PKHD1: variants seen among roughly 807,000 people sequenced by gnomAD.
PKHD1 encodes the protein PKHD1 ciliary IPT domain containing fibrocystin/polyductin, also known as fibrocystin.
In PKHD1, 291 loss-of-function variants were observed where a neutral mutation model predicts 412.0. That is an observed-to-expected ratio of 0.71 (90% CI 0.64 to 0.78). The LOEUF is 0.78. PKHD1 is among the 30% of genes least tolerant of loss of function. PKHD1 has a pLI of 0.00. For synonymous variants in PKHD1, 1,777 were observed against 1,821.5 expected (o/e 0.98, Z 0.62); for missense variants, 4,825 against 4,950.7 (o/e 0.97, Z 0.76).
chr6:52,042,977 A>C lies in PKHD1; in HGVS notation c.2979T>G (p.His993Gln). The C allele has an allele frequency of 6.2e-7, 1 of 1,614,036 alleles. No individual in the cohort carries two copies. The highest frequency in any genetic ancestry group is 8.5e-7 in the Non-Finnish European group (1 of 1,179,920). The change falls in exon 27 of 67, where the codon CAT (histidine) becomes CAG (glutamine). Residue 993 changes from histidine to glutamine, a missense_variant. Transcript: ENST00000371117. ...CQTDLLPVGM[H>Q]RILMLVRPSG... ...AGGGTCTCACCAACATCAAGATCCGATGCATTCCAACAGGTAGCAAATCTG... is the reference window on the plus strand; with the variant it reads ...AGGGTCTCACCAACATCAAGATCCGCTGCATTCCAACAGGTAGCAAATCTG...
chr6:51,888,595 A>G (rs993170713), intron 43 of PKHD1, among the ~76,000 whole-genome samples: 5 of 151,956 alleles, frequency 3.3e-5, no homozygotes, highest in African/African-American at 1.2e-4. Context: ...AGGTGAAGAT[A>G]AGAAGGGCCT....
intron 5 of PKHD1, among the ~76,000 whole-genome samples, chr6:52,078,989 G>A (rs532184341): frequency 4.6e-5 from 7 of 152,152 alleles, no homozygotes; most frequent in South Asian, 2.1e-4. Context: ...AACACGGATC[G>A]TAGGAGAGAC....
chr6:52,059,958 A>C lies in PKHD1; in HGVS notation c.1203T>G (p.His401Gln). 1 of 1,600,948 alleles carries C rather than the reference A, an allele frequency of 6.2e-7. No individual in the cohort carries two copies. The highest frequency in any genetic ancestry group is 1.1e-5 in the South Asian group (1 of 90,814). The change falls in exon 15 of 67, where the codon CAT becomes CAG. Residue 401 changes from histidine (H) to glutamine (Q), a missense_variant. His to Gln is a conservative substitution (Grantham distance 24). Transcript: ENST00000371117. Reference protein sequence around the residue: ...WIQADSQASLHFSWSEEPRTK... With the variant: ...WIQADSQASLQFSWSEEPRTK... Reference sequence around the variant, plus strand: ...TCCTTGGTTCCTCTGACCAACTGAAATGCAAGGAAGCTTGGCTATCTGCCT... The same window carrying C: ...TCCTTGGTTCCTCTGACCAACTGAACTGCAAGGAAGCTTGGCTATCTGCCT...
chr6:51,905,233 C>G (rs542682186), intron 41 of PKHD1, among the ~76,000 whole-genome samples: 2 of 152,102 alleles, frequency 1.3e-5, no homozygotes, highest in Admixed American at 6.6e-5. Context: ...AACTGGAGAC[C>G]CTTTGTTTCT....
intron 60 of PKHD1, among the ~76,000 whole-genome samples, chr6:51,701,045 G>A (rs1779348121): frequency 1.3e-5 from 2 of 152,178 alleles, no homozygotes; most frequent in Admixed American, 6.6e-5. Flanking sequence ...CCTGGCAGCT[G>A]AAAATGTACT....
rs1781698197 is a variant in PKHD1 at position 51,904,028 on chromosome 6, T to C, written c.6823A>G (p.Met2275Val). ...HALLVGTCTE[M>V]RYISWEAIHG... The stretch of plus-strand genomic sequence containing the variant: ...ATTGCCTCCCAGGAGATATATCTCA[T>C]CTCCGTGCATGTCCCTGAGAACAAA... Residue 2275 changes from methionine to valine, a missense_variant, in exon 42 of 67, where the codon ATG becomes GTG. By Grantham distance (21) the Met-to-Val change is conservative (BLOSUM62 1). Coordinates refer to ENST00000371117, the MANE Select transcript of PKHD1 (RefSeq NM_138694.4). 1.3e-6 allele frequency: 2 copies of C among 1,594,634 alleles called. No individual in the cohort carries two copies. Among genetic ancestry groups the C allele is most frequent in the African/African-American group, 1.3e-5 (1 of 74,416 alleles).
In PKHD1 at chr6:51,870,568, A is replaced by G. The variant is rs2151777864; in HGVS notation, c.7422T>C (p.Phe2474=). 2 of 1,610,758 alleles carry G rather than the reference A, an allele frequency of 1.2e-6. No homozygotes were observed. Among genetic ancestry groups the G allele is most frequent in the Non-Finnish European group, 1.7e-6 (2 of 1,176,898 alleles). The part of the protein sequence containing the change: ...RWELMVSNTT[F]VNFDLINCVA... ...CACAGTTGATGAGATCAAAATTAAC[A>G]AAGGTTGTGTTAGACACCATCAGTT... The change falls in exon 47 of 67, where the codon TTT becomes TTC. Residue 2474 remains phenylalanine (F), a synonymous_variant. Coordinates refer to ENST00000371117, the MANE Select transcript of PKHD1 (RefSeq NM_138694.4).
At chr6:51,646,307 T>G (rs982733295) in intron 63 of PKHD1, among the ~76,000 whole-genome samples, 1 of 152,172 alleles carries the variant, frequency 6.6e-6, no homozygotes, top group South Asian at 2.1e-4. Context: ...GTGATAATTG[T>G]GAGGCCCCTT....
chr6:51,734,131 C>T (rs184189607), intron 60 of PKHD1, among the ~76,000 whole-genome samples: 1 of 152,264 alleles, frequency 6.6e-6, no homozygotes, highest in South Asian at 2.1e-4. Context: ...ATTCTCTAGT[C>T]AAAAAGCTTG....
chr6:52,025,642 G>C lies in PKHD1; in HGVS notation c.4168C>G (p.Arg1390Gly). 1 of 1,614,146 alleles carries C rather than the reference G, an allele frequency of 6.2e-7. No individual in the cohort carries two copies. Among genetic ancestry groups the C allele is most frequent in the Non-Finnish European group, 8.5e-7 (1 of 1,180,034 alleles). Reference protein sequence around the residue: ...VVLQQFAVMPRIMAIFPSQGS... With the variant: ...VVLQQFAVMPGIMAIFPSQGS... The stretch of plus-strand genomic sequence containing the variant: ...TGCGATGGGAAGATGGCCATTATCC[G>C]AGGCATCACTGCAAATTGCTGGAGC... The change falls in exon 32 of 67, where the codon CGG becomes GGG. Residue 1390 changes from arginine (R) to glycine (G), a missense_variant. Arg to Gly is a moderately radical substitution (Grantham distance 125, BLOSUM62 -2). Transcript: ENST00000371117.
intron 4 of PKHD1, among the ~76,000 whole-genome samples, chr6:52,080,734 G>A (rs1195110311): frequency 1.3e-5 from 2 of 152,068 alleles, no homozygotes; most frequent in African/African-American, 4.8e-5. Context: ...GATATGCCAT[G>A]ATTATAACAT....
At chr6:51,751,647 A>C (rs1344256923) in intron 57 of PKHD1, among the ~76,000 whole-genome samples, 1 of 152,130 alleles carries the variant, frequency 6.6e-6, no homozygotes, top group Non-Finnish European at 1.5e-5. Context: ...GACTTTCCTT[A>C]CTCTTCATTA....
intron 18 of PKHD1, 24 bp downstream of exon 18, chr6:52,056,674 T>G (rs1037688936): frequency 1.3e-6 from 2 of 1,516,876 alleles, no homozygotes; most frequent in Non-Finnish European, 1.8e-6. Flanking sequence ...AAAAAGACAA[T>G]CAGAATGAAG....
At position 51,894,977 on chromosome 6, in the gene PKHD1, T is replaced by A. The variant is rs187188864; in HGVS notation, c.6997-7732A>T. On this transcript the variant is annotated intron_variant, in intron 43 of 66. Transcript: ENST00000371117. ...AACAACAAAGAAAAATCCTAATTAA[T>A]CACAATTTTCTATCACATCTCTTTC... is the stretch of plus-strand genomic sequence containing the variant. Among the ~76,000 whole-genome samples the A allele has an allele frequency of 1.8e-3, 277 of 152,316 alleles. 1 individual carries two copies. Among genetic ancestry groups the A allele is most frequent in the Non-Finnish European group, 5.9e-5 (4 of 68,026 alleles).
intron 52 of PKHD1, among the ~76,000 whole-genome samples, chr6:51,809,645 G>T (rs9370062): frequency 0.6 from 90,672 of 151,640 alleles, 27,490 homozygotes; most frequent in East Asian, 0.78. Context: ...TCCTGTATTT[G>T]TACAGCATTC....
intron 36 of PKHD1, among the ~76,000 whole-genome samples, chr6:51,942,335 T>C (rs1156423902): frequency 6.6e-6 from 1 of 151,730 alleles, no homozygotes; most frequent in Non-Finnish European, 1.5e-5. Flanking sequence ...CCTTACAGTT[T>C]TGCCTAGCCC....
At chr6:52,021,682 T>C (rs1801422364) in intron 33 of PKHD1, among the ~76,000 whole-genome samples, 1 of 152,210 alleles carries the variant, frequency 6.6e-6, no homozygotes, top group Non-Finnish European at 1.5e-5. Flanking sequence ...TTTATATACA[T>C]GATGATAATA....
rs6458801 is a variant in PKHD1 at position 51,882,791 on chromosome 6, T to C, written c.7350+302A>G. Among the ~76,000 whole-genome samples the C allele has an allele frequency of 0.91, 137,832 of 152,200 alleles. 62,831 individuals carry two copies. Among genetic ancestry groups the C allele is most frequent in the East Asian group, 0.99 (5,128 of 5,186 alleles). ...AAATAACGAACTAGGCAAATTTCTA[T>C]TTCATGATTTGACCTCTTACTATGA... On this transcript the variant is annotated intron_variant, in intron 46 of 66. Transcript: ENST00000371117.
chr6:51,972,250 A>G (rs1196276039), intron 35 of PKHD1, among the ~76,000 whole-genome samples: 1 of 152,222 alleles, frequency 6.6e-6, no homozygotes, highest in Non-Finnish European at 1.5e-5. Context: ...TTCTGTACCT[A>G]TATCTTCACT....
Sources: gnomAD v4.1 joint callset for allele counts (sites outside exome capture counted in the v4.1 genomes callset) on GRCh38, gnomAD v4.1.1 for gene constraint, MANE v1.5 for transcripts, NCBI Gene and HGNC (gene_info 2026-07-23, HGNC 2026-07-21) for gene names.